The following ZNF25 variants were observed in gnomAD, a reference collection of about 807,000 sequenced individuals.
ZNF25 encodes zinc finger protein 25 (KOX 19).
Under a neutral mutation model 30.9 loss-of-function variants are expected in ZNF25, and 21 were observed. The ratio of observed to expected loss-of-function variants is 0.68; its 90% CI spans 0.48 to 0.98. ZNF25 has a LOEUF of 0.98. Ranked by LOEUF, ZNF25 falls within the 50% of genes least tolerant of loss-of-function variation. The pLI is 0.00. For missense variants in ZNF25, 501 were observed against 529.9 expected (o/e 0.95, Z 0.54); for synonymous variants, 169 against 181.3 (o/e 0.93, Z 0.55).
At chr10:37,969,247 T>C (rs1263414305) in intron 2 of ZNF25, among the ~76,000 whole-genome samples, 3 of 152,316 alleles carry the variant, frequency 2.0e-5, no homozygotes, top group East Asian at 3.9e-4. Context: ...AGAATTGCCA[T>C]ACATCCCAGC....
At chr10:37,969,934 A>G (rs916772346) in intron 2 of ZNF25, among the ~76,000 whole-genome samples, 4 of 152,120 alleles carry the variant, frequency 2.6e-5, no homozygotes, top group African/African-American at 9.7e-5. Flanking sequence ...CTCACTTTAT[A>G]AGGCTCACAT....
In ZNF25 at chr10:37,953,257, C is replaced by T. The variant is rs1282869432; in HGVS notation, c.303-62G>A. 3.4e-6 allele frequency: 5 copies of T among 1,455,146 alleles called. No individual in the cohort carries two copies. The African/African-American group carries it at 7.1e-5, about 21-fold the overall frequency. 90.1% of individuals were successfully genotyped at this position (1,455,146 alleles called of 1,614,324 possible). A position where few individuals can be genotyped will look rare whatever the true frequency, so the allele number is the denominator to read the frequency against. On this transcript the variant is annotated intron_variant, in intron 5 of 5. Transcript: ENST00000302609. ...CTTTTAAGGCTTTTTGTTCCCCCTG[C>T]TCCACTGGGCGTATTTTCCAAGTAC... is the stretch of plus-strand genomic sequence containing the variant.
chr10:37,961,854 G>C (rs1184517126), intron 2 of ZNF25, among the ~76,000 whole-genome samples: 1 of 145,092 alleles, frequency 6.9e-6, no homozygotes, highest in African/African-American at 2.6e-5. Context: ...CTGGGATGCG[G>C]ATGTTGTGGT....
chr10:37,971,410 C>T (rs2063482222), intron 2 of ZNF25, among the ~76,000 whole-genome samples: 1 of 151,872 alleles, frequency 6.6e-6, no homozygotes, highest in African/African-American at 2.4e-5. Context: ...GTTTTCATGC[C>T]ACCAGTGCAA....
Position 37,951,783 on chromosome 10 carries a change from C to G in ZNF25, c.*344G>C, listed in dbSNP as rs190802919. 2.0e-4 allele frequency: 42 copies of G among 207,632 alleles called. No individual in the cohort carries two copies. Among genetic ancestry groups the G allele is most frequent in the Admixed American group, 1.7e-3 (31 of 18,544 alleles). 12.9% of individuals were successfully genotyped at this position (207,632 alleles called of 1,614,324 possible). Reference sequence around the variant, plus strand: ...GGATGTCTACAGCTGGCTGCCCTGACAGAAAATGTCTTGACATTCGTTTTA... The same window carrying G: ...GGATGTCTACAGCTGGCTGCCCTGAGAGAAAATGTCTTGACATTCGTTTTA... On this transcript the variant is annotated 3_prime_UTR_variant, in exon 6 of 6. Coordinates refer to ENST00000302609, the MANE Select transcript of ZNF25 (RefSeq NM_145011.4).
chr10:37,963,552 C>A (rs1473187371), intron 2 of ZNF25, among the ~76,000 whole-genome samples: 1 of 152,044 alleles, frequency 6.6e-6, no homozygotes, highest in Non-Finnish European at 1.5e-5. Flanking sequence ...AAATATAATC[C>A]CCAGTGTGGG....
intron 2 of ZNF25, 122 bp downstream of exon 2, chr10:37,971,586 C>T (rs1034878265): frequency 4.1e-5 from 61 of 1,490,404 alleles, no homozygotes; most frequent in South Asian, 1.1e-4. Flanking sequence ...ACTATTTCTA[C>T]GTTTCTAATT....
At chr10:37,964,508 G>A (rs1323463650) in intron 2 of ZNF25, among the ~76,000 whole-genome samples, 1 of 152,204 alleles carries the variant, frequency 6.6e-6, no homozygotes, top group Non-Finnish European at 1.5e-5. Flanking sequence ...GGTCACCCAT[G>A]TTTTGTCCTG....
intron 2 of ZNF25, among the ~76,000 whole-genome samples, chr10:37,969,449 T>C (rs1156664310): frequency 6.6e-6 from 1 of 152,246 alleles, no homozygotes; most frequent in Non-Finnish European, 1.5e-5. Flanking sequence ...AGGAATGATG[T>C]ACTGATACAT....
At chr10:37,970,243 A>T (rs1456967644) in intron 2 of ZNF25, among the ~76,000 whole-genome samples, 1 of 152,182 alleles carries the variant, frequency 6.6e-6, no homozygotes, top group Non-Finnish European at 1.5e-5. Flanking sequence ...AAATGTTAGC[A>T]AATCTAATTC....
intron 2 of ZNF25, 40 bp downstream of exon 2, chr10:37,971,668 C>T: frequency 6.3e-7 from 1 of 1,591,330 alleles, no homozygotes; most frequent in Non-Finnish European, 8.6e-7. Context: ...CACACACACA[C>T]ACACAGTGAA....
intron 2 of ZNF25, 129 bp from the exon 3 acceptor site, chr10:37,957,675 G>T: frequency 1.0e-6 from 1 of 964,532 alleles, no homozygotes; most frequent in Non-Finnish European, 1.5e-6. Context: ...TATTTGCCAT[G>T]CTGTACCCTG....
At chr10:37,974,956 T>C (rs971063052) in intron 1 of ZNF25, among the ~76,000 whole-genome samples, 1 of 152,192 alleles carries the variant, frequency 6.6e-6, no homozygotes, top group Non-Finnish European at 1.5e-5. Context: ...ATTTTGTCAT[T>C]GCAGCAACAA....
At chr10:37,955,266 G>A (rs894023784) in intron 4 of ZNF25, among the ~76,000 whole-genome samples, 1 of 152,160 alleles carries the variant, frequency 6.6e-6, no homozygotes, top group Non-Finnish European at 1.5e-5. Flanking sequence ...GAGAGGGCCA[G>A]ACTAGTTCCT....
rs189273464 is a variant in ZNF25 at position 37,956,243 on chromosome 10, C to A, written c.238+777G>T. Among the ~76,000 whole-genome samples the A allele has an allele frequency of 2.6e-4, 39 of 152,096 alleles. No homozygotes were observed. In the East Asian group the frequency reaches 6.9e-3, roughly 27 times the overall value. On this transcript the variant is annotated intron_variant, in intron 4 of 5. Transcript: ENST00000302609. ...ATGAAAGAATTGATGAGCAGCATAC[C>A]GATTTTTAATCTGAGCTCAGAGTTT... is the stretch of plus-strand genomic sequence containing the variant.
At chr10:37,959,186 T>A (rs1237506049) in intron 2 of ZNF25, among the ~76,000 whole-genome samples, 5 of 151,920 alleles carry the variant, frequency 3.3e-5, no homozygotes, top group Admixed American at 1.3e-4. Context: ...GATGAAAATA[T>A]AGAAACCAGG....
chr10:37,957,404 G>C lies in ZNF25; in HGVS notation c.142+16C>G, dbSNP rs752730567. 6.2e-7 allele frequency: 1 copy of C among 1,608,988 alleles called. No homozygotes were observed. Among genetic ancestry groups the C allele is most frequent in the East Asian group, 2.2e-5 (1 of 44,796 alleles). ...TGCAAACTACTGGGATTTACACCTG[G>C]GGAAGTTTTCCTCACCCACTGAGAC... On this transcript the variant is annotated intron_variant, in intron 3 of 5. Coordinates refer to ENST00000302609, the MANE Select transcript of ZNF25 (RefSeq NM_145011.4).
intron 1 of ZNF25, among the ~76,000 whole-genome samples, chr10:37,973,480 A>G (rs995394999): frequency 2.7e-5 from 4 of 148,900 alleles, no homozygotes; most frequent in African/African-American, 9.9e-5. Context: ...TTACACAGGT[A>G]TGGTGGTGCA....
intron 2 of ZNF25, among the ~76,000 whole-genome samples, chr10:37,967,020 C>T (rs540681289): frequency 1.3e-5 from 2 of 152,118 alleles, no homozygotes; most frequent in East Asian, 1.9e-4. Context: ...ATAGTAGTAA[C>T]CAAAAGAGAG....
Sources: gnomAD v4.1 joint callset for allele counts (sites outside exome capture counted in the v4.1 genomes callset) on GRCh38, gnomAD v4.1.1 for gene constraint, MANE v1.5 for transcripts, NCBI Gene and HGNC (gene_info 2026-07-23, HGNC 2026-07-21) for gene names.